The following PHF21A variants were observed in gnomAD, a reference collection of about 807,000 sequenced individuals.
PHF21A encodes the protein PHD finger protein 21A.
Under a neutral mutation model 82.5 loss-of-function variants are expected in PHF21A, and 11 were observed. That is an observed-to-expected ratio of 0.13 (90% confidence interval 0.08 to 0.22). The LOEUF (loss-of-function observed/expected upper bound fraction) is 0.22, where lower values mean the gene tolerates loss of function less well. Among genes scored for constraint, PHF21A ranks in the 10% least tolerant of loss-of-function variants. The pLI is 1.00. For synonymous variants in PHF21A, 297 were observed against 302.8 expected (o/e 0.98, Z 0.20); for missense variants, 579 against 837.8 (o/e 0.69, Z 3.81).
intron 11 of PHF21A, among the ~76,000 whole-genome samples, chr11:45,951,834 TCTCA>T (rs1296468910): frequency 7.2e-6 from 1 of 139,386 alleles, no homozygotes; most frequent in Non-Finnish European, 1.5e-5. Context: ...TGAGGCGGAG[TCTCA>T]CTCTGTCACC....
chr11:45,987,760 A>G (rs2094547351), intron 6 of PHF21A, among the ~76,000 whole-genome samples: 1 of 151,906 alleles, frequency 6.6e-6, no homozygotes, highest in East Asian at 1.9e-4. Context: ...TTAAGCTCCA[A>G]TAGAGCAAAA....
intron 6 of PHF21A, among the ~76,000 whole-genome samples, chr11:46,058,521 T>C (rs748703396): frequency 1.3e-5 from 2 of 152,230 alleles, no homozygotes; most frequent in Non-Finnish European, 2.9e-5. Context: ...GCCAAATGAA[T>C]TGAGGTTTAA....
intron 6 of PHF21A, among the ~76,000 whole-genome samples, chr11:46,075,247 T>G (rs1194220765): frequency 6.6e-6 from 1 of 152,202 alleles, no homozygotes; most frequent in Non-Finnish European, 1.5e-5. Context: ...CGAGTAGATG[T>G]AAATTTCCAA....
At chr11:46,074,791 C>A (rs1286627336) in intron 6 of PHF21A, among the ~76,000 whole-genome samples, 1 of 152,172 alleles carries the variant, frequency 6.6e-6, no homozygotes, top group Admixed American at 6.5e-5. Flanking sequence ...GCGTGAGCCA[C>A]CGTGCCTGGC....
chr11:45,973,849 C>G (rs887212789), intron 7 of PHF21A, among the ~76,000 whole-genome samples: 3 of 152,176 alleles, frequency 2.0e-5, no homozygotes, highest in Non-Finnish European at 4.4e-5. Flanking sequence ...TCAGAACTCA[C>G]TGACATGGAT....
chr11:46,047,980 G>T (rs1266812399), intron 6 of PHF21A, among the ~76,000 whole-genome samples: 1 of 152,258 alleles, frequency 6.6e-6, no homozygotes, highest in Non-Finnish European at 1.5e-5. Flanking sequence ...TTTTTAAACA[G>T]ATTTATTGAG....
At position 45,931,242 on chromosome 11, in the gene PHF21A, G is replaced by A. The variant is rs899027039; in HGVS notation, c.*2726C>T. On this transcript the variant is annotated 3_prime_UTR_variant, in exon 19 of 19. Transcript: ENST00000676320. Reference sequence around the variant, plus strand: ...TGAGCAAAGGCCTCTAGTGATGATGGTTTCCCAACTTCTTTCAGGAAAAGG... The same window carrying A: ...TGAGCAAAGGCCTCTAGTGATGATGATTTCCCAACTTCTTTCAGGAAAAGG... 6.6e-6 allele frequency: 1 copy of A among 151,254 alleles called. No individual in the cohort carries two copies. The highest frequency in any genetic ancestry group is 1.5e-5 in the Non-Finnish European group (1 of 67,898). The allele number at this position is 151,254 out of a possible 1,614,324, so 9.4% of individuals were successfully genotyped here. A position where few individuals can be genotyped will look rare whatever the true frequency, so the allele number is the denominator to read the frequency against.
intron 4 of PHF21A, among the ~76,000 whole-genome samples, chr11:46,081,565 T>C (rs1197254517): frequency 2.0e-5 from 3 of 152,222 alleles, no homozygotes; most frequent in Non-Finnish European, 4.4e-5. Context: ...TTTCTATCTG[T>C]AAGCAGTTAA....
chr11:46,105,308 T>TTA (rs1169254598), intron 1 of PHF21A, among the ~76,000 whole-genome samples: 1 of 152,182 alleles, frequency 6.6e-6, no homozygotes, highest in African/African-American at 2.4e-5. Context: ...ATTACTAAAT[T>TTA]GTAAGCTTCA....
rs932330931 is a variant in PHF21A at position 46,022,058 on chromosome 11, G to A, written c.154-42092C>T. On this transcript the variant is annotated intron_variant, in intron 6 of 18. Transcript: ENST00000676320. Reference sequence around the variant, plus strand: ...TAAAGAGACACAAATGCTGTAAGGAGAGGAACAAGAGAATGACATAAAAGA... The same window carrying A: ...TAAAGAGACACAAATGCTGTAAGGAAAGGAACAAGAGAATGACATAAAAGA... Among the ~76,000 whole-genome samples, 9 of 152,334 alleles carry A rather than the reference G, an allele frequency of 5.9e-5. No homozygotes were observed. The South Asian group carries it at 1.2e-3, about 21-fold the overall frequency.
At chr11:45,963,118 G>A (rs914145459) in intron 10 of PHF21A, among the ~76,000 whole-genome samples, 3 of 151,944 alleles carry the variant, frequency 2.0e-5, no homozygotes, top group Admixed American at 1.3e-4. Context: ...TGTTTTACAC[G>A]TACATAGAAA....
intron 6 of PHF21A, among the ~76,000 whole-genome samples, chr11:45,998,965 T>C (rs936670313): frequency 2.0e-5 from 3 of 152,216 alleles, no homozygotes; most frequent in African/African-American, 7.2e-5. Context: ...TAGCTGGGAT[T>C]ACAGGCACCT....
chr11:46,003,356 G>C lies in PHF21A; in HGVS notation c.154-23390C>G, dbSNP rs541212761. On this transcript the variant is annotated intron_variant, in intron 6 of 18. Transcript: ENST00000676320. ...CTAGTCATCACTCAGACTCTCTTCG[G>C]TGTTAATACTGTTACAAAATGAGGA... 8.6e-5 allele frequency among the ~76,000 whole-genome samples: 13 copies of C among 151,652 alleles called. No individual in the cohort carries two copies. The South Asian group carries it at 2.5e-3, about 29-fold the overall frequency.
At chr11:46,012,870 C>G (rs573663195) in intron 6 of PHF21A, among the ~76,000 whole-genome samples, 1 of 152,248 alleles carries the variant, frequency 6.6e-6, no homozygotes, top group African/African-American at 2.4e-5. Flanking sequence ...CATCACATCC[C>G]CCCAACTCTT....
rs549613160 is a variant in PHF21A at position 45,949,353 on chromosome 11, T to C, written c.1227+49A>G. The C allele has an allele frequency of 4.7e-6, 7 of 1,477,152 alleles. No homozygotes were observed. The South Asian group carries it at 5.7e-5, about 12-fold the overall frequency. The allele number at this position is 1,477,152 out of a possible 1,614,324, so 91.5% of individuals were successfully genotyped here. On this transcript the variant is annotated intron_variant, in intron 13 of 18. Coordinates refer to ENST00000676320, the MANE Select transcript of PHF21A (RefSeq NM_001352027.3). ...CAGAGGGGAGGCACTGAACAGCTCA[T>C]AAATAAAACTGGAACATGAGGGAAG...
intron 6 of PHF21A, among the ~76,000 whole-genome samples, chr11:46,050,598 T>G (rs2096344851): frequency 6.6e-6 from 1 of 152,230 alleles, no homozygotes; most frequent in South Asian, 2.1e-4. Context: ...TTCTATAATT[T>G]TAATTCATCA....
chr11:46,038,763 T>A (rs552828216), intron 6 of PHF21A, among the ~76,000 whole-genome samples: 2 of 152,230 alleles, frequency 1.3e-5, no homozygotes, highest in South Asian at 2.1e-4. Flanking sequence ...CCTTTTCTTA[T>A]AAAACCACTA....
At chr11:45,974,603 G>A (rs2093938240) in intron 7 of PHF21A, among the ~76,000 whole-genome samples, 1 of 143,142 alleles carries the variant, frequency 7.0e-6, no homozygotes, top group South Asian at 2.4e-4. Flanking sequence ...AAAGGCAGGT[G>A]CTACCACACC....
chr11:45,933,910 T>C lies in PHF21A; in HGVS notation c.*58A>G, dbSNP rs2088066969. 1.4e-6 allele frequency: 2 copies of C among 1,455,978 alleles called. No homozygotes were observed. Among genetic ancestry groups the C allele is most frequent in the African/African-American group, 2.9e-5 (2 of 69,932 alleles). The allele number at this position is 1,455,978 out of a possible 1,614,324, so 90.2% of individuals were successfully genotyped here. ...AATCCGGCTTTGCTTTTCTAGAGTC[T>C]TCAGTGTTCTGTTCTCCTTGCCGCC... On this transcript the variant is annotated 3_prime_UTR_variant, in exon 19 of 19. Transcript: ENST00000676320.
Sources: gnomAD v4.1 joint callset for allele counts (sites outside exome capture counted in the v4.1 genomes callset) on GRCh38, gnomAD v4.1.1 for gene constraint, MANE v1.5 for transcripts, NCBI Gene and HGNC (gene_info 2026-07-23, HGNC 2026-07-21) for gene names.